Variants in STAG2 observed in about 807,000 individuals in gnomAD.
STAG2 encodes STAG2 cohesin complex component.
STAG2 carries 14 observed loss-of-function variants against 108.1 expected under a neutral mutation model. The ratio of observed to expected loss-of-function variants is 0.13; its 90% CI spans 0.09 to 0.20. The LOEUF is 0.20. STAG2 is among the 10% of genes least tolerant of loss of function. STAG2 has a pLI of 1.00. For synonymous variants in STAG2, 307 were observed against 302.7 expected, an observed-to-expected ratio of 1.01 and a Z score of -0.15; for missense variants, 440 against 940.9, an observed-to-expected ratio of 0.47 and a Z score of 6.96.
intron 1 of STAG2, among the ~76,000 whole-genome samples, chrX:124,009,459 A>G (rs1364525420): frequency 4.6e-5 from 5 of 109,141 alleles, no homozygotes; most frequent in African/African-American, 1.7e-4. Flanking sequence ...AGATAGATAG[A>G]TAGATAGATA....
intron 1 of STAG2, among the ~76,000 whole-genome samples, chrX:123,978,688 A>G (rs1327921151): frequency 1.8e-5 from 2 of 111,618 alleles, no homozygotes; most frequent in African/African-American, 6.5e-5. Context: ...CCAAATCCAA[A>G]ATCTTCCAAA....
At chrX:124,029,264 A>T (rs2057254371) in intron 4 of STAG2, among the ~76,000 whole-genome samples, 1 of 106,943 alleles carries the variant, frequency 9.4e-6, no homozygotes, top group South Asian at 4.0e-4. Flanking sequence ...TGATCCGCCC[A>T]CCTTGGCCTC....
At chrX:123,985,209 G>A (rs1393501126) in intron 1 of STAG2, among the ~76,000 whole-genome samples, 1 of 110,472 alleles carries the variant, frequency 9.1e-6, no homozygotes, top group Non-Finnish European at 1.9e-5. Context: ...CTGATCAGTT[G>A]TCCTTACAAG....
chrX:124,056,229 A>T lies in STAG2; in HGVS notation c.1298A>T (p.Tyr433Phe). Residue 433 changes from tyrosine to phenylalanine, a missense_variant, in exon 14 of 35, where the codon TAC becomes TTC. This residue lies in a region of STAG2 where 337 missense variants were observed against 649.3 expected (regional missense o/e 0.52). Coordinates refer to ENST00000371145, the MANE Select transcript of STAG2 (RefSeq NM_001042750.2). ...PVAVAAGEFLYKKLFSRRDPE... is the reference protein window; with the variant it reads ...PVAVAAGEFLFKKLFSRRDPE... ...GCAGTAGCAGCTGGAGAATTTCTCT[A>T]CAAAAAGTAAATCTATATATCTGTT... The T allele has an allele frequency of 8.4e-7, 1 of 1,191,534 alleles. No individual in the cohort carries two copies.
chrX:123,966,455 G>A (rs1455600883), intron 1 of STAG2, among the ~76,000 whole-genome samples: 1 of 108,084 alleles, frequency 9.3e-6, no homozygotes, highest in African/African-American at 3.4e-5. Flanking sequence ...GCGAGACTCC[G>A]TTTAAAAAAA....
At chrX:124,024,368 A>G (rs1479976460) in intron 3 of STAG2, among the ~76,000 whole-genome samples, 3 of 110,696 alleles carry the variant, frequency 2.7e-5, no homozygotes, top group Non-Finnish European at 5.7e-5. Flanking sequence ...GATATTTTAA[A>G]TTTTCATTTT....
At chrX:123,966,284 A>T (rs2054090998) in intron 1 of STAG2, among the ~76,000 whole-genome samples, 1 of 109,987 alleles carries the variant, frequency 9.1e-6, no homozygotes, top group South Asian at 3.9e-4. Context: ...AACATGGTGA[A>T]ACCCCCATCT....
At chrX:124,044,490 G>A (rs1264137735) in intron 7 of STAG2, among the ~76,000 whole-genome samples, 1 of 111,238 alleles carries the variant, frequency 9.0e-6, no homozygotes, top group Non-Finnish European at 1.9e-5. Flanking sequence ...TCTTGTCAGA[G>A]ACCGTTACTT....
intron 1 of STAG2, among the ~76,000 whole-genome samples, chrX:123,969,770 C>T (rs1018983733): frequency 9.2e-6 from 1 of 109,091 alleles, no homozygotes; most frequent in Non-Finnish European, 1.9e-5. Flanking sequence ...CTCAGCCTCC[C>T]GAGTAGCTGG....
In STAG2 at chrX:124,100,570, T is replaced by C; in HGVS notation, c.3784-4T>C. On this transcript the variant is annotated splice_polypyrimidine_tract_variant and splice_region_variant and intron_variant, in intron 34 of 34. Coordinates refer to ENST00000371145, the MANE Select transcript of STAG2 (RefSeq NM_001042750.2). ...GATTTTCTCCCCTCTCTCTCTCTCATTAGGTTCTTGGAGTGTCAATGTTTT... is the reference window on the plus strand; with the variant it reads ...GATTTTCTCCCCTCTCTCTCTCTCACTAGGTTCTTGGAGTGTCAATGTTTT... 1 of 1,194,215 alleles carries C rather than the reference T, an allele frequency of 8.4e-7. No homozygotes were observed. Among genetic ancestry groups the C allele is most frequent in the Non-Finnish European group, 1.1e-6 (1 of 881,101 alleles).
chrX:123,972,094 C>CT (rs1372383827), intron 1 of STAG2, among the ~76,000 whole-genome samples: 2 of 111,064 alleles, frequency 1.8e-5, no homozygotes, highest in African/African-American at 6.5e-5. Context: ...GTGGAAACAA[C>CT]TATATTGTAA....
intron 3 of STAG2, among the ~76,000 whole-genome samples, chrX:124,023,134 C>A (rs1307803098): frequency 8.9e-6 from 1 of 112,074 alleles, no homozygotes; most frequent in Non-Finnish European, 1.9e-5. Flanking sequence ...ATCCTCTTTA[C>A]CCCCATCTGA....
intron 1 of STAG2, among the ~76,000 whole-genome samples, chrX:124,012,925 T>C (rs1476207173): frequency 8.9e-6 from 1 of 111,814 alleles, no homozygotes; most frequent in Non-Finnish European, 1.9e-5. Flanking sequence ...ACTTGTGATG[T>C]AATCTATTGA....
intron 6 of STAG2, among the ~76,000 whole-genome samples, chrX:124,040,673 T>C (rs925189704): frequency 1.8e-5 from 2 of 109,433 alleles, no homozygotes; most frequent in African/African-American, 6.7e-5. Context: ...TATTTATATG[T>C]AAATGTTAAT....
At chrX:124,016,959 G>GAA (rs1276937105) in intron 1 of STAG2, among the ~76,000 whole-genome samples, 3 of 111,474 alleles carry the variant, frequency 2.7e-5, no homozygotes, top group Non-Finnish European at 3.8e-5. Flanking sequence ...CTTACATATA[G>GAA]AAGTATGTGA....
At chrX:123,997,305 T>A (rs939463672) in intron 1 of STAG2, among the ~76,000 whole-genome samples, 2 of 112,588 alleles carry the variant, frequency 1.8e-5, no homozygotes, top group Non-Finnish European at 3.8e-5. Flanking sequence ...TGTGGTAGCA[T>A]ATATATAACA....
chrX:124,050,276 T>C lies in STAG2; in HGVS notation c.984T>C (p.Tyr328=), dbSNP rs755860603. The C allele has an allele frequency of 4.1e-6, 5 of 1,210,313 alleles. No homozygotes were observed. In the South Asian group the frequency reaches 8.8e-5, roughly 21 times the overall value. The part of the protein sequence containing the change: ...MYSDAFLNDS[Y]LKYVGWTMHD... ...GTGATGCCTTTCTTAATGACAGTTATTTAAAATATGTTGGTTGGACTATGC... is the reference window on the plus strand; with the variant it reads ...GTGATGCCTTTCTTAATGACAGTTACTTAAAATATGTTGGTTGGACTATGC... The change falls in exon 11 of 35, where the codon TAT becomes TAC. Residue 328 remains tyrosine (Y), a synonymous_variant. Coordinates refer to ENST00000371145, the MANE Select transcript of STAG2 (RefSeq NM_001042750.2).
intron 24 of STAG2, among the ~76,000 whole-genome samples, chrX:124,070,646 T>C (rs1233667700): frequency 8.9e-6 from 1 of 112,184 alleles, no homozygotes; most frequent in East Asian, 2.8e-4. Flanking sequence ...GTGTGAACAA[T>C]GAGAGTGCTT....
chrX:123,980,827 T>C (rs1461506561), intron 1 of STAG2, among the ~76,000 whole-genome samples: 2 of 112,478 alleles, frequency 1.8e-5, no homozygotes, highest in African/African-American at 3.2e-5. Flanking sequence ...ATACTGCAAT[T>C]TGATGTCCTC....
Sources: allele counts gnomAD v4.1 joint callset (sites outside exome capture counted in the v4.1 genomes callset), GRCh38; gene constraint gnomAD v4.1.1; regional missense constraint gnomAD v4.1.1; transcripts MANE v1.5; gene names NCBI Gene and HGNC (gene_info 2026-07-23, HGNC 2026-07-21).